MAEA: variants seen among roughly 807,000 people sequenced by gnomAD.
The protein encoded by MAEA is macrophage erythroblast attacher, E3 ubiquitin ligase, also known as E3 ubiquitin-protein transferase MAEA.
MAEA carries 22 observed loss-of-function variants against 46.2 expected under a neutral mutation model. The ratio of observed to expected loss-of-function variants is 0.48; its 90% CI spans 0.34 to 0.68. The LOEUF (loss-of-function observed/expected upper bound fraction) is 0.68. MAEA is among the 30% of genes least tolerant of loss of function. The probability of loss-of-function intolerance (pLI) is 0.01; values close to 1 mark genes in which losing one functional copy is unlikely to be tolerated. For missense variants in MAEA, 393 were observed against 558.1 expected (o/e 0.70, Z 2.98); for synonymous variants, 246 against 222.6 (o/e 1.11, Z -0.94).
intron 4 of MAEA, chr4:1,323,512 C>T (rs747320397): frequency 3.8e-5 from 27 of 702,508 alleles, no homozygotes; most frequent in Admixed American, 1.2e-4. Flanking sequence ...AAAACAAGCA[C>T]GAAGCAAAGA....
chr4:1,301,175 G>A (rs1050268596), intron 1 of MAEA, among the ~76,000 whole-genome samples: 6 of 152,366 alleles, frequency 3.9e-5, no homozygotes, highest in South Asian at 2.1e-4. Flanking sequence ...ACTGAAATGC[G>A]TTGCGTTTTG....
intron 1 of MAEA, among the ~76,000 whole-genome samples, chr4:1,303,593 A>G (rs529456979): frequency 3.3e-5 from 5 of 152,026 alleles, no homozygotes; most frequent in Non-Finnish European, 7.4e-5. Flanking sequence ...ACAAAAGTCC[A>G]CATCACGTGT....
intron 4 of MAEA, among the ~76,000 whole-genome samples, chr4:1,323,039 G>A (rs150505243): frequency 5.5e-4 from 79 of 144,746 alleles, no homozygotes; most frequent in African/African-American, 1.9e-3. Flanking sequence ...ACTTGCCTCC[G>A]GTGTTCAAGC....
chr4:1,338,389 T>C, intron 7 of MAEA, 33 bp from the exon 8 acceptor site: 2 of 1,579,706 alleles, frequency 1.3e-6, no homozygotes, highest in Non-Finnish European at 1.7e-6. Flanking sequence ...CTGCCCTGAG[T>C]GGCCCCCAAC....
intron 4 of MAEA, chr4:1,323,531 A>T (rs909288370): frequency 1.6e-5 from 11 of 702,494 alleles, no homozygotes; most frequent in African/African-American, 7.0e-5. Context: ...GACGGGACGA[A>T]AAAGTAGAGC....
At chr4:1,309,841 G>GC (rs1736262293) in intron 1 of MAEA, 2 of 1,332,216 alleles carry the variant, frequency 1.5e-6, no homozygotes, top group African/African-American at 3.0e-5. Flanking sequence ...CCGGAGCTCT[G>GC]CCCTGTGCCT....
At position 1,290,030 on chromosome 4, in the gene MAEA, C is replaced by G. The variant is rs1314928078; in HGVS notation, c.69+48C>G. The G allele has an allele frequency of 8.9e-6, 13 of 1,458,996 alleles. No individual in the cohort carries two copies. In the East Asian group the frequency reaches 3.8e-4, roughly 42 times the overall value. 90.4% of individuals were successfully genotyped at this position (1,458,996 alleles called of 1,614,324 possible). ...CTGAGGGCAGCGAAGGCGTCTCCAG[C>G]CAGTGCCCTCGGGCCGCGAGGGGCC... On this transcript the variant is annotated intron_variant, in intron 1 of 8. Coordinates refer to ENST00000303400, the MANE Select transcript of MAEA (RefSeq NM_001017405.3).
At chr4:1,305,659 G>T (rs1356774558) in intron 1 of MAEA, among the ~76,000 whole-genome samples, 1 of 152,172 alleles carries the variant, frequency 6.6e-6, no homozygotes, top group Non-Finnish European at 1.5e-5. Context: ...TCTTGACTTG[G>T]AACTGTTCTT....
chr4:1,335,696 CCA>C (rs1311154706), intron 6 of MAEA: 2 of 968,610 alleles, frequency 2.1e-6, no homozygotes, highest in Non-Finnish European at 2.4e-6. Context: ...CGTGTTGAAA[CCA>C]CAGAGTTAAG....
rs367588185 is a variant in MAEA at position 1,337,031 on chromosome 4, G to T, written c.899+37G>T. ...CCCGTGCGCAGTGCGGTTTGGCCTG[G>T]GGTTGGCATCTTTGGTCATATTTTA... On this transcript the variant is annotated intron_variant, in intron 7 of 8. Coordinates refer to ENST00000303400, the MANE Select transcript of MAEA (RefSeq NM_001017405.3). 77 of 1,607,646 alleles carry T rather than the reference G, an allele frequency of 4.8e-5. No individual in the cohort carries two copies. In the African/African-American group the frequency reaches 9.2e-4, roughly 19 times the overall value.
At chr4:1,329,892 G>C in intron 5 of MAEA, 1 of 985,560 alleles carries the variant, frequency 1.0e-6, no homozygotes, top group Non-Finnish European at 1.2e-6. Context: ...CAGCCCGCAG[G>C]AGCTTCCCGT....
intron 6 of MAEA, chr4:1,335,046 C>CTAGAGACTGAGCGGCCT: frequency 1.0e-6 from 1 of 985,412 alleles, no homozygotes; most frequent in Non-Finnish European, 1.2e-6. Context: ...TCCCCCCAAG[C>CTAGAGACTGAGCGGCCT]TAGAGACTGA....
intron 4 of MAEA, among the ~76,000 whole-genome samples, chr4:1,325,256 TG>T (rs1444790228): frequency 6.6e-6 from 1 of 152,022 alleles, no homozygotes; most frequent in Non-Finnish European, 1.5e-5. Context: ...CAGGCATGGG[TG>T]GGTGAGTGGC....
At chr4:1,328,462 A>G (rs1739126567) in intron 5 of MAEA, among the ~76,000 whole-genome samples, 1 of 152,096 alleles carries the variant, frequency 6.6e-6, no homozygotes, top group South Asian at 2.1e-4. Context: ...ACTCACTTTC[A>G]TGGAGGTTCC....
intron 5 of MAEA, chr4:1,329,628 G>A: frequency 1.0e-6 from 1 of 985,536 alleles, no homozygotes; most frequent in African/African-American, 1.7e-5. Flanking sequence ...AGGTGCCAGG[G>A]CCTGGTCAGG....
chr4:1,319,432 C>T (rs4974598), intron 3 of MAEA, among the ~76,000 whole-genome samples: 91,579 of 151,890 alleles, frequency 0.6, 27,846 homozygotes, highest in East Asian at 0.74. Context: ...TTTCAGTTGA[C>T]GTACGAGCCT....
At chr4:1,321,550 C>G (rs1738106810) in intron 3 of MAEA, among the ~76,000 whole-genome samples, 1 of 152,242 alleles carries the variant, frequency 6.6e-6, no homozygotes, top group Non-Finnish European at 1.5e-5. Context: ...AACAGCGCAT[C>G]TGTGAGGCCG....
chr4:1,336,781 T>G (rs1712822095), intron 6 of MAEA, 80 bp from the exon 7 acceptor site: 1 of 1,438,412 alleles, frequency 7.0e-7, no homozygotes, highest in Admixed American at 2.0e-5. Context: ...GGCACCTGCT[T>G]CACCATGGTC....
At chr4:1,327,069 C>T (rs969660188) in intron 4 of MAEA, among the ~76,000 whole-genome samples, 4 of 152,226 alleles carry the variant, frequency 2.6e-5, no homozygotes, top group South Asian at 2.1e-4. Flanking sequence ...CACCAGCCAG[C>T]AGCCCCACAT....
Sources: gnomAD v4.1 joint callset for allele counts (sites outside exome capture counted in the v4.1 genomes callset) on GRCh38, gnomAD v4.1.1 for gene constraint, MANE v1.5 for transcripts, NCBI Gene and HGNC (gene_info 2026-07-23, HGNC 2026-07-21) for gene names.